Variants in CALN1 observed in about 807,000 individuals in gnomAD.
CALN1 encodes calcium-binding protein 8.
In CALN1, 17 loss-of-function variants were observed where a neutral mutation model predicts 30.6. The observed-to-expected ratio is 0.56, with a 90% CI of 0.38 to 0.83. The LOEUF (loss-of-function observed/expected upper bound fraction) is 0.83, where lower values mean the gene tolerates loss of function less well. Among genes scored for constraint, CALN1 ranks in the 40% least tolerant of loss-of-function variants. The pLI is 0.00. For missense variants in CALN1, 291 were observed against 354.9 expected (o/e 0.82, Z 1.45); for synonymous variants, 156 against 131.4 (o/e 1.19, Z -1.28).
intron 5 of CALN1, among the ~76,000 whole-genome samples, chr7:71,836,048 A>G (rs973646819): frequency 6.6e-6 from 1 of 152,172 alleles, no homozygotes; most frequent in African/African-American, 2.4e-5. Context: ...TCTTGCACCA[A>G]AGACATCTCA....
chr7:72,366,837 A>C (rs914292375), intron 2 of CALN1, among the ~76,000 whole-genome samples: 13 of 151,908 alleles, frequency 8.6e-5, no homozygotes, highest in African/African-American at 2.9e-4. Context: ...AACAAAAAAA[A>C]AGGTGTTGAC....
chr7:72,393,325 A>G lies in CALN1; in HGVS notation c.119+9926T>C, dbSNP rs139906278. ...TAAAAATACAAGAAATTAGCCGGGC[A>G]TGGTGGCGGGCACCTGTAGTCCCAG... On this transcript the variant is annotated intron_variant, in intron 2 of 6. Transcript: ENST00000395275. Among the ~76,000 whole-genome samples the G allele has an allele frequency of 8.8e-3, 1,338 of 152,138 alleles. 24 individuals are homozygous for G. Among genetic ancestry groups the G allele is most frequent in the African/African-American group, 0.029 (1,201 of 41,512 alleles).
Position 72,403,281 on chromosome 7 carries a change from G to A in CALN1, c.89C>T (p.Pro30Leu), listed in dbSNP as rs1458027595. The change falls in exon 2 of 7, where the codon CCG becomes CTG. Residue 30 changes from proline (P) to leucine (L), a missense_variant. Around this residue, in one of 2 missense-constraint regions of CALN1, gnomAD observed 122 missense variants for 103.2 expected, o/e 1.18. Transcript: ENST00000395275. The part of the protein sequence containing the change: ...GGALGGGEEP[P>L]RSQAPDFPTW... ...GGGGAAGTCGGGGGCCTGGCTCCTCGGCGGCTCCTCTCCCCCTCCGAGGGC... is the reference window on the plus strand; with the variant it reads ...GGGGAAGTCGGGGGCCTGGCTCCTCAGCGGCTCCTCTCCCCCTCCGAGGGC... The A allele has an allele frequency of 5.8e-6, 9 of 1,550,148 alleles. No individual in the cohort carries two copies. The South Asian group carries it at 9.5e-5, about 16-fold the overall frequency.
chr7:71,857,470 G>A (rs1468589705), intron 5 of CALN1, among the ~76,000 whole-genome samples: 2 of 152,162 alleles, frequency 1.3e-5, no homozygotes, highest in African/African-American at 4.8e-5. Context: ...TTCTGGCTGA[G>A]AACTGCTGCC....
At chr7:71,837,243 C>CAAAAAAAAAAAAAAAAAAAAAAAAAAA (rs55977265) in intron 5 of CALN1, among the ~76,000 whole-genome samples, 2 of 79,124 alleles carry the variant, frequency 2.5e-5, no homozygotes, top group Non-Finnish European at 4.5e-5. Context: ...AAAAAAAAGA[C>CAAAAAAAAAAAAAAAAAAAAAAAAAAA]AAAAAAAAAA....
chr7:72,027,268 G>A (rs1034836140), intron 4 of CALN1, among the ~76,000 whole-genome samples: 2 of 152,216 alleles, frequency 1.3e-5, no homozygotes, highest in Middle Eastern at 3.4e-3. Context: ...ACTAGGAGAC[G>A]CCCCAAGTAC....
intron 5 of CALN1, among the ~76,000 whole-genome samples, chr7:71,875,601 CTG>C (rs2116770723): frequency 6.6e-6 from 1 of 152,240 alleles, no homozygotes; most frequent in Non-Finnish European, 1.5e-5. Flanking sequence ...ATACTGGGGA[CTG>C]TGGTAGAATA....
intron 3 of CALN1, among the ~76,000 whole-genome samples, chr7:72,154,579 G>T (rs977804432): frequency 6.6e-6 from 1 of 152,184 alleles, no homozygotes; most frequent in African/African-American, 2.4e-5. Flanking sequence ...AATGGCCTGA[G>T]AAACCTTTAC....
intron 1 of CALN1, among the ~76,000 whole-genome samples, chr7:72,410,743 T>C (rs912982153): frequency 6.6e-6 from 1 of 152,184 alleles, no homozygotes; most frequent in African/African-American, 2.4e-5. Context: ...AATAGGGAAC[T>C]ATATATATTT....
chr7:72,325,562 T>C (rs914612969), intron 2 of CALN1, among the ~76,000 whole-genome samples: 5 of 152,036 alleles, frequency 3.3e-5, no homozygotes, highest in African/African-American at 7.2e-5. Context: ...GATCACACCA[T>C]TGCACTCCAG....
chr7:72,062,620 C>T (rs906439335), intron 4 of CALN1, among the ~76,000 whole-genome samples: 2 of 151,550 alleles, frequency 1.3e-5, no homozygotes. Context: ...ATTATTCTTA[C>T]CCTGTTTGGT....
Position 71,975,182 on chromosome 7 carries a change from A to G in CALN1, c.501+48475T>C, listed in dbSNP as rs562195454. 3.2e-4 allele frequency among the ~76,000 whole-genome samples: 49 copies of G among 152,246 alleles called. 1 individual carries two copies. The highest frequency in any genetic ancestry group is 1.5e-4 in the Non-Finnish European group (10 of 68,020). ...AGCCCAGAGACAGGTCCTGCAACAG[A>G]GGCACATTTAGGGAGGGATGTGAGC... On this transcript the variant is annotated intron_variant, in intron 5 of 6. Coordinates refer to ENST00000395275, the MANE Select transcript of CALN1 (RefSeq NM_031468.4).
chr7:71,811,732 G>A (rs1787973193), intron 5 of CALN1, among the ~76,000 whole-genome samples: 1 of 147,828 alleles, frequency 6.8e-6, no homozygotes, highest in Non-Finnish European at 1.5e-5. Flanking sequence ...AGGCTGGAGT[G>A]CAGTGGCGCG....
At chr7:71,790,140 A>AAAGAAAG (rs1793240287) in intron 6 of CALN1, among the ~76,000 whole-genome samples, 1 of 116,072 alleles carries the variant, frequency 8.6e-6, no homozygotes, top group Admixed American at 8.5e-5. Context: ...AAGAAAGAAG[A>AAAGAAAG]AAGAAAGAAG....
At chr7:72,109,469 T>C (rs1036841609) in intron 3 of CALN1, among the ~76,000 whole-genome samples, 1 of 152,210 alleles carries the variant, frequency 6.6e-6, no homozygotes, top group Non-Finnish European at 1.5e-5. Flanking sequence ...AATCTGCTGT[T>C]CAACACCTCC....
chr7:72,407,719 C>T (rs1806799601), intron 1 of CALN1, among the ~76,000 whole-genome samples: 1 of 152,174 alleles, frequency 6.6e-6, no homozygotes, highest in Non-Finnish European at 1.5e-5. Flanking sequence ...AGTGCAGTAA[C>T]AGACTAATAC....
At chr7:72,387,036 A>G (rs577611897) in intron 2 of CALN1, among the ~76,000 whole-genome samples, 1 of 151,714 alleles carries the variant, frequency 6.6e-6, no homozygotes, top group Non-Finnish European at 1.5e-5. Context: ...TGCCAGAAAG[A>G]AAGTTCTCAA....
At chr7:72,087,718 G>A (rs1176335872) in intron 4 of CALN1, among the ~76,000 whole-genome samples, 1 of 152,126 alleles carries the variant, frequency 6.6e-6, no homozygotes, top group Non-Finnish European at 1.5e-5. Flanking sequence ...AAAACATAGA[G>A]AAAGAACAGC....
intron 1 of CALN1, among the ~76,000 whole-genome samples, chr7:72,427,827 T>C (rs1807846531): frequency 6.6e-6 from 1 of 152,062 alleles, no homozygotes; most frequent in African/African-American, 2.4e-5. Context: ...ATCACTGTCT[T>C]GCTTAAAGTT....
Sources: gnomAD v4.1 joint callset for allele counts (sites outside exome capture counted in the v4.1 genomes callset) on GRCh38, gnomAD v4.1.1 for gene constraint, gnomAD v4.1.1 regional missense constraint, MANE v1.5 for transcripts, NCBI Gene and HGNC (gene_info 2026-07-23, HGNC 2026-07-21) for gene names.